Variants in LAYN observed in about 807,000 individuals in gnomAD.
The protein encoded by LAYN is layilin.
LAYN carries 38 observed loss-of-function variants against 43.6 expected under a neutral mutation model. The ratio of observed to expected loss-of-function variants is 0.87; its 90% confidence interval spans 0.67 to 1.14. LAYN has a LOEUF of 1.14. LAYN is among the 50% of genes most tolerant of loss of function. LAYN has a pLI of 0.00. For missense variants in LAYN, 479 were observed against 463.8 expected (o/e 1.03, Z -0.30); for synonymous variants, 168 against 172.9 (o/e 0.97, Z 0.22).
At chr11:111,541,319 C>T (rs2135787533) in intron 1 of LAYN, 2 of 605,506 alleles carry the variant, frequency 3.3e-6, no homozygotes, top group African/African-American at 1.9e-5. Context: ...GCCAGCTGGC[C>T]CCCGCCTACC....
chr11:111,541,356 A>C, intron 1 of LAYN: 1 of 613,062 alleles, frequency 1.6e-6, no homozygotes, highest in Non-Finnish European at 2.9e-6. Context: ...GGCCGCAGAG[A>C]CAGCGGGGTA....
At position 111,557,586 on chromosome 11, in the gene LAYN, T is replaced by C; in HGVS notation, c.704T>C (p.Leu235Pro). The C allele has an allele frequency of 6.2e-7, 1 of 1,614,234 alleles. No individual in the cohort carries two copies. Among genetic ancestry groups the C allele is most frequent in the Non-Finnish European group, 8.5e-7 (1 of 1,180,028 alleles). The change falls in exon 6 of 7, where the codon CTT becomes CCT. Residue 235 changes from leucine (L) to proline (P), a missense_variant. Leu to Pro is a moderately conservative substitution (Grantham distance 98). Coordinates refer to ENST00000375614, the MANE Select transcript of LAYN (RefSeq NM_178834.5). ...TACATCCTAATCCCCAGCATTCCCC[T>C]TCTCCTCCTCCTTGTGGTCACCACA... ...LAYILIPSIP[L>P]LLLLVVTTVV... is the part of the protein sequence containing the mutation.
At chr11:111,552,207 A>T (rs1324078377) in intron 3 of LAYN, among the ~76,000 whole-genome samples, 2 of 152,016 alleles carry the variant, frequency 1.3e-5, no homozygotes, top group Admixed American at 6.5e-5. Flanking sequence ...ATTTCAAAAT[A>T]AGAAGTTAAA....
chr11:111,558,591 A>G (rs1666051063), intron 6 of LAYN, among the ~76,000 whole-genome samples: 1 of 151,828 alleles, frequency 6.6e-6, no homozygotes, highest in Non-Finnish European at 1.5e-5. Flanking sequence ...CTGCCTACTC[A>G]GTTGGTTCTT....
intron 2 of LAYN, among the ~76,000 whole-genome samples, chr11:111,545,593 C>T (rs1381350870): frequency 1.3e-5 from 2 of 152,318 alleles, no homozygotes; most frequent in African/African-American, 4.8e-5. Context: ...CTCTGCTGGT[C>T]CCTGGACACA....
At chr11:111,555,486 A>G (rs1867821206) in intron 5 of LAYN, among the ~76,000 whole-genome samples, 196 bp downstream of exon 5, 1 of 152,196 alleles carries the variant, frequency 6.6e-6, no homozygotes, top group Non-Finnish European at 1.5e-5. Context: ...CTATCCTAAG[A>G]TGACTGGGGA....
rs1366605662 is a variant in LAYN at position 111,560,488 on chromosome 11, T to C, written c.*30T>C. The C allele has an allele frequency of 1.3e-6, 2 of 1,578,266 alleles. No individual in the cohort carries two copies. Among genetic ancestry groups the C allele is most frequent in the African/African-American group, 1.4e-5 (1 of 73,084 alleles). On this transcript the variant is annotated 3_prime_UTR_variant, in exon 7 of 7. Coordinates refer to ENST00000375614, the MANE Select transcript of LAYN (RefSeq NM_178834.5). ...TATAAAAAACTGAAACTGACAACAA[T>C]GGAAAAGAAATGATAAGCAAAATCC...
chr11:111,543,787 A>G (rs1867590962), intron 1 of LAYN, 136 bp from the exon 2 acceptor site: 8 of 698,512 alleles, frequency 1.1e-5, no homozygotes, highest in African/African-American at 7.2e-5. Context: ...TGAGAACCCC[A>G]ACTGACATGA....
chr11:111,549,834 CT>C lies in LAYN; in HGVS notation c.541+60del, dbSNP rs141427788. The C allele has an allele frequency of 4.6e-4, 708 of 1,525,770 alleles. 5 individuals carry two copies. The African/African-American group carries it at 9.2e-3, about 20-fold the overall frequency. The allele number at this position is 1,525,770 out of a possible 1,614,324, so 94.5% of individuals were successfully genotyped here. ...TTCTCAACTTCTCTCATTTCATGAG[CT>C]GCTGCTAGTACCAAGAATTTGTCAT... On this transcript the variant is annotated intron_variant, in intron 3 of 6. Transcript: ENST00000375614.
At chr11:111,543,097 T>C (rs975698642) in intron 1 of LAYN, among the ~76,000 whole-genome samples, 7 of 152,158 alleles carry the variant, frequency 4.6e-5, no homozygotes, top group Non-Finnish European at 1.0e-4. Context: ...AGCGGGGAGC[T>C]AGCAATTTAG....
chr11:111,551,409 C>T (rs1158453794), intron 3 of LAYN: 2 of 456,282 alleles, frequency 4.4e-6, no homozygotes, highest in South Asian at 1.5e-5. Flanking sequence ...TCCCAAGGCA[C>T]AGAGGACAGA....
chr11:111,541,596 C>G, intron 1 of LAYN: 1 of 1,535,404 alleles, frequency 6.5e-7, no homozygotes, highest in Non-Finnish European at 8.7e-7. Flanking sequence ...GTAAAGTGCT[C>G]TGGCTTCTGG....
At chr11:111,553,283 G>A (rs1867774800) in intron 3 of LAYN, among the ~76,000 whole-genome samples, 1 of 151,678 alleles carries the variant, frequency 6.6e-6, no homozygotes, top group South Asian at 2.1e-4. Flanking sequence ...ATAATAATAA[G>A]GCTGTTATCA....
chr11:111,541,704 G>A, intron 1 of LAYN: 1 of 867,110 alleles, frequency 1.2e-6, no homozygotes, highest in Non-Finnish European at 1.9e-6. Context: ...CGGGACAGAG[G>A]AGACTGGGAA....
chr11:111,544,169 C>G lies in LAYN; in HGVS notation c.332C>G (p.Thr111Arg), dbSNP rs1165592165. 6.2e-7 allele frequency: 1 copy of G among 1,614,068 alleles called. No individual in the cohort carries two copies. Among genetic ancestry groups the G allele is most frequent in the African/African-American group, 1.3e-5 (1 of 74,922 alleles). The change falls in exon 2 of 7, where the codon ACA becomes AGA. Residue 111 changes from threonine (T) to arginine (R), a missense_variant. Transcript: ENST00000375614. ...CGTGAGGAGAAACAAAGCAATAGCA[C>G]AGCCTGCCAGGACCTTTATGCTTGG... is the stretch of plus-strand genomic sequence containing the variant. Reference protein sequence around the residue: ...RRREEKQSNSTACQDLYAWTD... With the variant: ...RRREEKQSNSRACQDLYAWTD...
Position 111,560,190 on chromosome 11 carries a change from T to C in LAYN, c.857T>C (p.Val286Ala), listed in dbSNP as rs1266096771. 2 of 1,614,138 alleles carry C rather than the reference T, an allele frequency of 1.2e-6. No individual in the cohort carries two copies. The highest frequency in any genetic ancestry group is 4.5e-5 in the East Asian group (2 of 44,886). Residue 286 changes from valine to alanine, a missense_variant, in exon 7 of 7, where the codon GTC becomes GCC. By Grantham distance (64) the Val-to-Ala change is moderately conservative. Transcript: ENST00000375614. ...GNSPDLEVYN[V>A]IRKQSEADLA... ...AGCCCGGACCTAGAGGTCTACAATG[T>C]CATAAGAAAACAAAGCGAAGCTGAC...
intron 6 of LAYN, among the ~76,000 whole-genome samples, chr11:111,559,008 A>G (rs1867896600): frequency 6.6e-6 from 1 of 151,540 alleles, no homozygotes; most frequent in Admixed American, 6.6e-5. Context: ...CTGGTCTCGA[A>G]CTCCTGACCT....
At chr11:111,541,395 A>C in intron 1 of LAYN, 1 of 666,960 alleles carries the variant, frequency 1.5e-6, no homozygotes, top group Non-Finnish European at 2.7e-6. Context: ...TGCCGTGGGA[A>C]CCCTGCCTGT....
In LAYN at chr11:111,540,806, T is replaced by G; in HGVS notation, c.-38T>G. On this transcript the variant is annotated 5_prime_UTR_variant, in exon 1 of 7. Coordinates refer to ENST00000375614, the MANE Select transcript of LAYN (RefSeq NM_178834.5). ...TGCCCGCCAGCCCGCTCCACCGCCGTAGCGCCCGAGTGTCGGGGGGCGCAC... is the reference window on the plus strand; with the variant it reads ...TGCCCGCCAGCCCGCTCCACCGCCGGAGCGCCCGAGTGTCGGGGGGCGCAC... The G allele has an allele frequency of 6.6e-7, 1 of 1,508,658 alleles. No individual in the cohort carries two copies. Among genetic ancestry groups the G allele is most frequent in the Non-Finnish European group, 8.8e-7 (1 of 1,134,556 alleles). 93.5% of individuals were successfully genotyped at this position (1,508,658 alleles called of 1,614,324 possible). A position where few individuals can be genotyped will look rare whatever the true frequency, so the allele number is the denominator to read the frequency against.
Sources: allele counts gnomAD v4.1 joint callset (sites outside exome capture counted in the v4.1 genomes callset), GRCh38; gene constraint gnomAD v4.1.1; transcripts MANE v1.5; gene names NCBI Gene and HGNC (gene_info 2026-07-23, HGNC 2026-07-21).